Variants in TANC2 observed in about 807,000 individuals in gnomAD.
The protein encoded by TANC2 is tetratricopeptide repeat, ankyrin repeat and coiled-coil containing 2.
Under a neutral mutation model 210.5 loss-of-function variants are expected in TANC2, and 26 were observed. The ratio of observed to expected loss-of-function variants is 0.12; its 90% CI spans 0.09 to 0.17. TANC2 has a LOEUF of 0.17. Ranked by LOEUF, TANC2 falls within the 10% of genes least tolerant of loss-of-function variation. TANC2 has a pLI of 1.00. For synonymous variants in TANC2, 931 were observed against 967.1 expected (o/e 0.96, Z 0.69); for missense variants, 2,129 against 2,608.9 (o/e 0.82, Z 4.01).
chr17:63,377,286 A>T (rs2047455823), intron 14 of TANC2, among the ~76,000 whole-genome samples: 3 of 152,102 alleles, frequency 2.0e-5, no homozygotes, highest in Admixed American at 2.0e-4. Flanking sequence ...GCTGGCTTAG[A>T]TTTCTCCCTA....
intron 2 of TANC2, among the ~76,000 whole-genome samples, chr17:63,040,442 C>T (rs2035141847): frequency 1.3e-5 from 2 of 152,018 alleles, no homozygotes; most frequent in South Asian, 4.1e-4. Context: ...TACTTATGTA[C>T]TCACATATTT....
intron 9 of TANC2, among the ~76,000 whole-genome samples, chr17:63,300,956 A>G (rs1191456826): frequency 5.3e-5 from 8 of 152,224 alleles, no homozygotes; most frequent in Admixed American, 3.3e-4. Flanking sequence ...TGTTCCATCA[A>G]TACCTACTTT....
At chr17:62,973,495 G>T (rs1458904856) in intron 1 of TANC2, among the ~76,000 whole-genome samples, 4 of 152,124 alleles carry the variant, frequency 2.6e-5, no homozygotes, top group Non-Finnish European at 5.9e-5. Context: ...TCTCAGTTAT[G>T]CCTTTGAAAC....
chr17:63,003,419 C>T (rs768715550), intron 1 of TANC2, among the ~76,000 whole-genome samples: 3 of 152,142 alleles, frequency 2.0e-5, no homozygotes, highest in South Asian at 2.1e-4. Flanking sequence ...ATCCTGTACA[C>T]GCTATATGCA....
chr17:63,203,597 G>A (rs1255773266), intron 7 of TANC2, among the ~76,000 whole-genome samples: 2 of 152,122 alleles, frequency 1.3e-5, no homozygotes, highest in Non-Finnish European at 2.9e-5. Context: ...AGGTTCTGCA[G>A]CTCTTCATAT....
chr17:63,177,504 C>T (rs554287042), intron 5 of TANC2, among the ~76,000 whole-genome samples: 4 of 151,868 alleles, frequency 2.6e-5, no homozygotes, highest in Non-Finnish European at 5.9e-5. Context: ...TTATCGTAGT[C>T]TGCTAATTAA....
chr17:63,008,977 G>A (rs1568313444), intron 1 of TANC2, among the ~76,000 whole-genome samples: 1 of 152,024 alleles, frequency 6.6e-6, no homozygotes, highest in Non-Finnish European at 1.5e-5. Context: ...CATCCTCAGT[G>A]ATATCTACCT....
chr17:63,349,360 A>G (rs534857071), intron 12 of TANC2, among the ~76,000 whole-genome samples: 1 of 152,294 alleles, frequency 6.6e-6, no homozygotes, highest in East Asian at 1.9e-4. Context: ...TGTGTTTGCA[A>G]TGATATCCCA....
chr17:63,120,875 G>A (rs1033793397), intron 4 of TANC2: 3 of 148,970 alleles, frequency 2.0e-5, no homozygotes, highest in Non-Finnish European at 4.4e-5. Flanking sequence ...ATACAACTGG[G>A]TAAAATCTTA....
intron 12 of TANC2, among the ~76,000 whole-genome samples, chr17:63,347,516 T>A (rs189694749): frequency 1.4e-3 from 211 of 152,358 alleles, no homozygotes; most frequent in Admixed American, 2.9e-3. Flanking sequence ...TATAGAATTA[T>A]TTTTTAAAGG....
chr17:63,393,518 G>A (rs145284655), intron 17 of TANC2: 3 of 152,274 alleles, frequency 2.0e-5, no homozygotes, highest in East Asian at 1.9e-4. Flanking sequence ...GGATTCTTCT[G>A]AGCATTTGAT....
chr17:63,254,459 C>A (rs1183392916), intron 8 of TANC2, among the ~76,000 whole-genome samples: 1 of 151,934 alleles, frequency 6.6e-6, no homozygotes, highest in East Asian at 1.9e-4. Context: ...GTTTGGATGC[C>A]CTATATTTCT....
chr17:62,989,100 C>G (rs1226351953), intron 1 of TANC2, among the ~76,000 whole-genome samples: 2 of 152,118 alleles, frequency 1.3e-5, no homozygotes, highest in African/African-American at 4.8e-5. Context: ...TACCTAGCAC[C>G]TTCTAGTTTG....
chr17:63,179,525 CA>C (rs2040705456), intron 5 of TANC2, among the ~76,000 whole-genome samples: 1 of 152,162 alleles, frequency 6.6e-6, no homozygotes, highest in Non-Finnish European at 1.5e-5. Flanking sequence ...TTGTTACAGT[CA>C]TCACTACTAC....
chr17:63,001,641 T>A (rs1232562411), intron 1 of TANC2, among the ~76,000 whole-genome samples: 1 of 151,158 alleles, frequency 6.6e-6, no homozygotes, highest in East Asian at 1.9e-4. Context: ...GCCATCCGGG[T>A]TCAAGCGATT....
chr17:63,181,946 G>A (rs2040799305), intron 5 of TANC2, among the ~76,000 whole-genome samples: 1 of 152,200 alleles, frequency 6.6e-6, no homozygotes, highest in African/African-American at 2.4e-5. Flanking sequence ...TCACTCCAGT[G>A]AGGTGTAGGT....
At chr17:63,351,947 G>T (rs1309181338) in intron 13 of TANC2, among the ~76,000 whole-genome samples, 1 of 152,040 alleles carries the variant, frequency 6.6e-6, no homozygotes, top group Non-Finnish European at 1.5e-5. Context: ...GAAGGTTTTT[G>T]TTGTTGTTGT....
chr17:63,200,454 G>T (rs772198203), intron 6 of TANC2, among the ~76,000 whole-genome samples: 1 of 151,636 alleles, frequency 6.6e-6, no homozygotes, highest in Non-Finnish European at 1.5e-5. Flanking sequence ...AGGAAAACTT[G>T]CAATAGCAGG....
chr17:63,227,364 C>G (rs766068567), intron 7 of TANC2, among the ~76,000 whole-genome samples: 1 of 152,056 alleles, frequency 6.6e-6, no homozygotes, highest in Non-Finnish European at 1.5e-5. Context: ...TGATGTTGAG[C>G]TTTTTTCATA....
Sources: gnomAD v4.1 joint callset for allele counts (sites outside exome capture counted in the v4.1 genomes callset) on GRCh38, gnomAD v4.1.1 for gene constraint, MANE v1.5 for transcripts, NCBI Gene and HGNC (gene_info 2026-07-23, HGNC 2026-07-21) for gene names.